The following SCAPER variants were observed in gnomAD, a reference collection of about 807,000 sequenced individuals.
SCAPER encodes the protein S-phase cyclin A associated protein in the ER.
A neutral mutation model predicts 182.2 loss-of-function variants in SCAPER; 98 were observed. The observed-to-expected ratio is 0.54, with a 90% confidence interval of 0.46 to 0.64. The LOEUF (loss-of-function observed/expected upper bound fraction) is 0.64, where lower values mean the gene tolerates loss of function less well. Among genes scored for constraint, SCAPER ranks in the 30% least tolerant of loss-of-function variants. The pLI is 0.00. For missense variants in SCAPER, 1,432 were observed against 1,690.0 expected, an observed-to-expected ratio of 0.85 and a Z score of 2.68; for synonymous variants, 605 against 564.6, an observed-to-expected ratio of 1.07 and a Z score of -1.01.
intron 10 of SCAPER, among the ~76,000 whole-genome samples, chr15:76,768,407 T>C (rs1432103084): frequency 6.6e-6 from 1 of 152,128 alleles, no homozygotes; most frequent in Non-Finnish European, 1.5e-5. Context: ...AAGACATGAA[T>C]GAACCTCTAA....
chr15:76,752,108 T>C (rs1568014239), intron 15 of SCAPER, among the ~76,000 whole-genome samples: 1 of 148,844 alleles, frequency 6.7e-6, no homozygotes, highest in East Asian at 1.9e-4. Flanking sequence ...GATATACAAA[T>C]GGCCAATAAG....
intron 22 of SCAPER, among the ~76,000 whole-genome samples, chr15:76,612,509 T>G (rs910204937): frequency 6.6e-6 from 1 of 152,142 alleles, no homozygotes; most frequent in African/African-American, 2.4e-5. Context: ...GTGTTGTGAT[T>G]ACAGGCATGA....
intron 26 of SCAPER, among the ~76,000 whole-genome samples, chr15:76,405,837 C>A (rs181352315): frequency 6.6e-6 from 1 of 152,198 alleles, no homozygotes; most frequent in Non-Finnish European, 1.5e-5. Context: ...TGTGTAAGTG[C>A]ACTACAGTCC....
At chr15:76,723,745 A>T (rs748020031) in intron 17 of SCAPER, among the ~76,000 whole-genome samples, 13 of 152,000 alleles carry the variant, frequency 8.6e-5, no homozygotes, top group Admixed American at 2.6e-4. Context: ...TAGGATTGCA[A>T]CCCCTGCCTT....
intron 23 of SCAPER, among the ~76,000 whole-genome samples, chr15:76,566,641 C>A (rs1481970979): frequency 6.6e-6 from 1 of 152,034 alleles, no homozygotes; most frequent in Non-Finnish European, 1.5e-5. Context: ...TCACTTGGAC[C>A]AAATTTAATA....
chr15:76,647,193 T>C (rs548718636), intron 21 of SCAPER, among the ~76,000 whole-genome samples: 27 of 152,324 alleles, frequency 1.8e-4, no homozygotes, highest in East Asian at 5.8e-4. Context: ...ATATAAACAG[T>C]TGAAATACAC....
intron 23 of SCAPER, among the ~76,000 whole-genome samples, chr15:76,569,048 A>T (rs1267098429): frequency 6.6e-6 from 1 of 151,894 alleles, no homozygotes; most frequent in Non-Finnish European, 1.5e-5. Flanking sequence ...AAATCTTACA[A>T]CTTTTATTTA....
At chr15:76,473,698 G>A (rs1232350737) in intron 24 of SCAPER, among the ~76,000 whole-genome samples, 1 of 152,186 alleles carries the variant, frequency 6.6e-6, no homozygotes. Context: ...AACAAGTTCT[G>A]CAGGTAGTTC....
At chr15:76,403,477 G>A (rs1469328341) in intron 27 of SCAPER, among the ~76,000 whole-genome samples, 1 of 152,144 alleles carries the variant, frequency 6.6e-6, no homozygotes, top group Admixed American at 6.5e-5. Context: ...GGAAGGATAG[G>A]TGGGCTTAGG....
intron 23 of SCAPER, among the ~76,000 whole-genome samples, chr15:76,528,813 T>A (rs2043402277): frequency 6.6e-6 from 1 of 152,202 alleles, no homozygotes; most frequent in African/African-American, 2.4e-5. Flanking sequence ...CACTAACCAG[T>A]CCCTGATTAT....
At chr15:76,819,094 C>T (rs1394697505) in intron 5 of SCAPER, among the ~76,000 whole-genome samples, 2 of 152,206 alleles carry the variant, frequency 1.3e-5, no homozygotes, top group Non-Finnish European at 2.9e-5. Flanking sequence ...CCAGGAAGCT[C>T]GAACTGGGTG....
chr15:76,418,305 G>A (rs892662046), intron 26 of SCAPER, among the ~76,000 whole-genome samples: 1 of 152,128 alleles, frequency 6.6e-6, no homozygotes, highest in Non-Finnish European at 1.5e-5. Context: ...TCAGAGTCAG[G>A]GAGGACTTCT....
chr15:76,890,902 T>C (rs558568965), intron 1 of SCAPER, among the ~76,000 whole-genome samples: 6 of 152,170 alleles, frequency 3.9e-5, no homozygotes, highest in Non-Finnish European at 8.8e-5. Context: ...TGATGAACAT[T>C]GATGCAAAAA....
chr15:76,474,779 T>C (rs937897455), intron 24 of SCAPER, among the ~76,000 whole-genome samples: 1 of 152,172 alleles, frequency 6.6e-6, no homozygotes, highest in Admixed American at 6.6e-5. Context: ...AGAATCAAAT[T>C]AAAGCATGCT....
At chr15:76,833,393 T>C (rs576539019) in intron 5 of SCAPER, among the ~76,000 whole-genome samples, 5 of 151,668 alleles carry the variant, frequency 3.3e-5, no homozygotes, top group South Asian at 2.1e-4. Flanking sequence ...AACATGAAAA[T>C]GAAAAAACAA....
At chr15:76,893,365 C>G (rs919664556) in intron 1 of SCAPER, among the ~76,000 whole-genome samples, 7 of 151,990 alleles carry the variant, frequency 4.6e-5, no homozygotes, top group Non-Finnish European at 1.5e-5. Flanking sequence ...AGGGGTAATT[C>G]ATCAAAAGGA....
chr15:76,534,791 A>G (rs2043993387), intron 23 of SCAPER, among the ~76,000 whole-genome samples: 1 of 152,150 alleles, frequency 6.6e-6, no homozygotes, highest in Admixed American at 6.5e-5. Flanking sequence ...CTCTATTATA[A>G]TTACAAATTA....
Position 76,702,946 on chromosome 15 carries a change from A to T in SCAPER, c.2304T>A (p.Ala768=), listed in dbSNP as rs770601506. ...MEQIEQRKEK[A]AELSSGRHAN... ...CATGTCGCCCACTGCTTAGCTCAGC[A>T]GCTTTTTCTTTTCTTTGTTCAATCT... The change falls in exon 19 of 32, where the codon GCT becomes GCA. Residue 768 remains alanine (A), a synonymous_variant. Coordinates refer to ENST00000563290, the MANE Select transcript of SCAPER (RefSeq NM_020843.4). 1 of 1,610,346 alleles carries T rather than the reference A, an allele frequency of 6.2e-7. No individual in the cohort carries two copies. The highest frequency in any genetic ancestry group is 8.5e-7 in the Non-Finnish European group (1 of 1,178,766).
chr15:76,416,692 GAA>G (rs1567093030), intron 26 of SCAPER, among the ~76,000 whole-genome samples: 1 of 151,866 alleles, frequency 6.6e-6, no homozygotes, highest in African/African-American at 2.4e-5. Context: ...TCTATCATAA[GAA>G]AATAATCAAT....
Sources: gnomAD v4.1 joint callset for allele counts (sites outside exome capture counted in the v4.1 genomes callset) on GRCh38, gnomAD v4.1.1 for gene constraint, MANE v1.5 for transcripts, NCBI Gene and HGNC (gene_info 2026-07-23, HGNC 2026-07-21) for gene names.